Variants in ZNF804B observed in about 807,000 individuals in gnomAD.
ZNF804B encodes zinc finger 804B.
ZNF804B carries 80 observed loss-of-function variants against 101.4 expected under a neutral mutation model. The ratio of observed to expected loss-of-function variants is 0.79; its 90% CI spans 0.66 to 0.95. The LOEUF is 0.95. ZNF804B is among the 40% of genes least tolerant of loss of function. ZNF804B has a pLI of 0.00. For missense variants in ZNF804B, 1,673 were observed against 1,561.9 expected (o/e 1.07, Z -1.20); for synonymous variants, 622 against 558.8 (o/e 1.11, Z -1.59).
intron 2 of ZNF804B, among the ~76,000 whole-genome samples, chr7:89,274,495 A>AT (rs1002404563): frequency 1.1e-4 from 16 of 150,230 alleles, no homozygotes; most frequent in Non-Finnish European, 1.9e-4. Flanking sequence ...TGAACTCATC[A>AT]TTTTTTATGG....
At chr7:89,087,648 C>G (rs1386286377) in intron 1 of ZNF804B, among the ~76,000 whole-genome samples, 1 of 151,840 alleles carries the variant, frequency 6.6e-6, no homozygotes, top group Non-Finnish European at 1.5e-5. Context: ...ACATATTAAA[C>G]TAAAATTTTG....
At chr7:88,905,492 A>C (rs73395326) in intron 1 of ZNF804B, among the ~76,000 whole-genome samples, 1 of 151,832 alleles carries the variant, frequency 6.6e-6, no homozygotes, top group East Asian at 1.9e-4. Flanking sequence ...CAAATGTCTG[A>C]GATTACAGGC....
intron 2 of ZNF804B, among the ~76,000 whole-genome samples, chr7:89,219,735 TGTGG>T (rs3061222): frequency 0.58 from 87,907 of 150,478 alleles, 26,361 homozygotes; most frequent in African/African-American, 0.62. Context: ...TGTTGGAATG[TGTGG>T]GTAAGTCTTG....
intron 1 of ZNF804B, among the ~76,000 whole-genome samples, chr7:88,870,400 A>AAAAAAAAAAAAAAGAAAAAAAAG (rs781332488): frequency 1.8e-5 from 2 of 112,672 alleles, no homozygotes; most frequent in African/African-American, 7.9e-5. Context: ...AAAAAAAAAA[A>AAAAAAAAAAAAAAGAAAAAAAAG]AAAAAAAGGT....
chr7:89,271,277 G>A (rs1789889003), intron 2 of ZNF804B, among the ~76,000 whole-genome samples: 1 of 152,018 alleles, frequency 6.6e-6, no homozygotes. Flanking sequence ...TTAGCATGAA[G>A]GGCTGTTGAA....
chr7:88,763,475 A>G (rs932300879), intron 1 of ZNF804B, among the ~76,000 whole-genome samples: 1 of 152,064 alleles, frequency 6.6e-6, no homozygotes, highest in Non-Finnish European at 1.5e-5. Context: ...AAAATAGCAT[A>G]CTGCTTTTTA....
At chr7:89,266,786 A>G (rs912101917) in intron 2 of ZNF804B, among the ~76,000 whole-genome samples, 1 of 152,028 alleles carries the variant, frequency 6.6e-6, no homozygotes, top group Non-Finnish European at 1.5e-5. Context: ...TATCAGGTAT[A>G]TCATAAAAAT....
chr7:88,770,293 G>C (rs555668812), intron 1 of ZNF804B, among the ~76,000 whole-genome samples: 38 of 152,222 alleles, frequency 2.5e-4, no homozygotes, highest in Admixed American at 4.6e-4. Context: ...CACACAGTGG[G>C]GTCCAACTTA....
Position 89,334,976 on chromosome 7 carries a change from G to T in ZNF804B, c.1994G>T (p.Gly665Val). The T allele has an allele frequency of 1.2e-6, 2 of 1,613,908 alleles. No individual in the cohort carries two copies. The highest frequency in any genetic ancestry group is 2.7e-5 in the African/African-American group (2 of 75,038). Residue 665 changes from glycine to valine, a missense_variant, in exon 4 of 4, where the codon GGT becomes GTT. Physicochemically the swap from Gly to Val is moderately radical, Grantham distance 109 (BLOSUM62 -3). Transcript: ENST00000333190. ...NCKSSPCTVGGHSDHGKDFSV... is the reference protein window; with the variant it reads ...NCKSSPCTVGVHSDHGKDFSV... ...AAGTCCAGTCCTTGTACAGTAGGGGGTCACAGTGACCATGGGAAAGACTTC... is the reference window on the plus strand; with the variant it reads ...AAGTCCAGTCCTTGTACAGTAGGGGTTCACAGTGACCATGGGAAAGACTTC...
intron 1 of ZNF804B, among the ~76,000 whole-genome samples, chr7:89,064,428 T>G (rs1301340148): frequency 6.6e-6 from 1 of 151,956 alleles, no homozygotes; most frequent in Non-Finnish European, 1.5e-5. Flanking sequence ...AGCAATAACC[T>G]AAGAACAACT....
At chr7:89,277,967 C>G (rs996622366) in intron 2 of ZNF804B, among the ~76,000 whole-genome samples, 1 of 152,112 alleles carries the variant, frequency 6.6e-6, no homozygotes, top group African/African-American at 2.4e-5. Flanking sequence ...GTCCCACCAA[C>G]AGTGTAAAAG....
intron 1 of ZNF804B, among the ~76,000 whole-genome samples, chr7:88,760,591 A>G (rs1024825441): frequency 3.3e-5 from 5 of 152,058 alleles, no homozygotes; most frequent in African/African-American, 1.2e-4. Context: ...ATGCTCAACT[A>G]TGCACATTCT....
At chr7:89,132,162 GCACACATACACACACACACACACACA>G (rs1790561670) in intron 1 of ZNF804B, among the ~76,000 whole-genome samples, 2 of 87,602 alleles carry the variant, frequency 2.3e-5, no homozygotes, top group Admixed American at 2.6e-4. Context: ...GAGAACACAC[GCACACATACACACACACACACACACA>G]CACACACACA....
chr7:89,040,022 C>T (rs1788992051), intron 1 of ZNF804B, among the ~76,000 whole-genome samples: 1 of 151,968 alleles, frequency 6.6e-6, no homozygotes, highest in African/African-American at 2.4e-5. Flanking sequence ...TCATTTTCCT[C>T]TCCAGATCTG....
At chr7:89,233,571 A>G (rs907983314) in intron 2 of ZNF804B, among the ~76,000 whole-genome samples, 3 of 152,112 alleles carry the variant, frequency 2.0e-5, no homozygotes, top group Admixed American at 2.0e-4. Flanking sequence ...GCCTACCTCA[A>G]TGTGGGGGTG....
chr7:89,327,231 CTG>C, intron 2 of ZNF804B, 111 bp from the exon 3 acceptor site: 3 of 969,106 alleles, frequency 3.1e-6, no homozygotes, highest in Non-Finnish European at 4.3e-6. Context: ...TTTACTCTTT[CTG>C]CCCAGAAAGT....
At chr7:89,294,785 G>A (rs7803223) in intron 2 of ZNF804B, among the ~76,000 whole-genome samples, 2,857 of 151,810 alleles carry the variant, frequency 0.019, 78 homozygotes, top group African/African-American at 0.065. Flanking sequence ...AATTTTTTAA[G>A]TTCTGGGAGA....
At chr7:89,160,375 G>A (rs1017223530) in intron 1 of ZNF804B, among the ~76,000 whole-genome samples, 5 of 152,044 alleles carry the variant, frequency 3.3e-5, no homozygotes, top group Admixed American at 3.3e-4. Context: ...TGACACCTTG[G>A]GGAATGCTTA....
chr7:88,873,835 G>T (rs1791880158), intron 1 of ZNF804B, among the ~76,000 whole-genome samples: 3 of 152,118 alleles, frequency 2.0e-5, no homozygotes, highest in Admixed American at 1.3e-4. Context: ...CTATATCTTT[G>T]TTTTGGTACC....
Sources: gnomAD v4.1 joint callset for allele counts (sites outside exome capture counted in the v4.1 genomes callset) on GRCh38, gnomAD v4.1.1 for gene constraint, MANE v1.5 for transcripts, NCBI Gene and HGNC (gene_info 2026-07-23, HGNC 2026-07-21) for gene names.